Variants in SCMH1 observed in about 807,000 individuals in gnomAD.
The protein encoded by SCMH1 is Scm polycomb group protein homolog 1.
Under a neutral mutation model 70.8 loss-of-function variants are expected in SCMH1, and 37 were observed. The ratio of observed to expected loss-of-function variants is 0.52; its 90% CI spans 0.40 to 0.69. The LOEUF (loss-of-function observed/expected upper bound fraction) is 0.69, where lower values mean the gene tolerates loss of function less well. SCMH1 is among the 30% of genes least tolerant of loss of function. The pLI is 0.00. For missense variants in SCMH1, 607 were observed against 827.3 expected (o/e 0.73, Z 3.27); for synonymous variants, 292 against 307.4 (o/e 0.95, Z 0.52).
chr1:41,028,139 C>T (rs1140227), exon 15 of SCMH1: 192,403 of 1,608,894 alleles, frequency 0.12, 13,333 homozygotes, highest in East Asian at 0.27. Context: ...CCCCTCATTC[C>T]TAGAAGAATG....
chr1:41,092,830 C>T (rs1321669934), intron 8 of SCMH1, among the ~76,000 whole-genome samples: 1 of 152,164 alleles, frequency 6.6e-6, no homozygotes, highest in Non-Finnish European at 1.5e-5. Flanking sequence ...GAGATACCAT[C>T]TCACACCAGT....
chr1:41,135,778 G>C (rs1332200513), intron 6 of SCMH1, among the ~76,000 whole-genome samples: 1 of 152,098 alleles, frequency 6.6e-6, no homozygotes, highest in Non-Finnish European at 1.5e-5. Context: ...GAATAGAACA[G>C]ATACAAAATA....
intron 8 of SCMH1, among the ~76,000 whole-genome samples, chr1:41,083,834 T>C (rs1461965063): frequency 6.6e-6 from 1 of 152,158 alleles, no homozygotes. Context: ...TATCTACACC[T>C]ATCTGATCTT....
At chr1:41,168,431 T>C (rs376547758) in intron 2 of SCMH1, among the ~76,000 whole-genome samples, 10 of 152,258 alleles carry the variant, frequency 6.6e-5, no homozygotes, top group South Asian at 2.1e-4. Context: ...AATACCTCCA[T>C]TGAATTTTTT....
At chr1:41,103,037 GT>G (rs920083832) in intron 8 of SCMH1, among the ~76,000 whole-genome samples, 1 of 150,348 alleles carries the variant, frequency 6.7e-6, no homozygotes, top group African/African-American at 2.5e-5. Context: ...TTTATGTTTT[GT>G]TTTTTTTCTA....
chr1:41,046,435 G>A, exon 12 of SCMH1: 1 of 1,614,208 alleles, frequency 6.2e-7, no homozygotes, highest in Non-Finnish European at 8.5e-7. Flanking sequence ...GGCTGTGGCT[G>A]TACTCTATGG....
intron 6 of SCMH1, among the ~76,000 whole-genome samples, chr1:41,126,054 TAC>T (rs1377793945): frequency 2.0e-5 from 3 of 152,218 alleles, no homozygotes; most frequent in African/African-American, 7.2e-5. Context: ...CCAGAGTAGA[TAC>T]AGATATTCTC....
At chr1:41,133,455 A>AT (rs1360014329) in intron 6 of SCMH1, among the ~76,000 whole-genome samples, 3 of 152,184 alleles carry the variant, frequency 2.0e-5, no homozygotes, top group Non-Finnish European at 4.4e-5. Context: ...ACTGAAGGAG[A>AT]TAGAAACACA....
intron 3 of SCMH1, 141 bp downstream of exon 3, chr1:41,161,223 A>G (rs777005327): frequency 7.5e-7 from 1 of 1,332,508 alleles, no homozygotes; most frequent in Non-Finnish European, 1.0e-6. Context: ...GCTTATGACC[A>G]ATACCTCTGT....
At chr1:41,073,147 A>G (rs1391532917) in intron 9 of SCMH1, among the ~76,000 whole-genome samples, 1 of 152,174 alleles carries the variant, frequency 6.6e-6, no homozygotes. Context: ...TAACCCAACC[A>G]TCTACCCAAT....
chr1:41,044,414 G>A (rs1427496920), intron 12 of SCMH1, among the ~76,000 whole-genome samples: 3 of 152,058 alleles, frequency 2.0e-5, no homozygotes, highest in Non-Finnish European at 4.4e-5. Flanking sequence ...TATCAGAGGT[G>A]GGGCAAAGGG....
intron 6 of SCMH1, among the ~76,000 whole-genome samples, chr1:41,135,845 C>A (rs1354347339): frequency 6.6e-6 from 1 of 152,096 alleles, no homozygotes; most frequent in East Asian, 1.9e-4. Context: ...TCAACTAGCA[C>A]TAAGACTATC....
At chr1:41,045,689 TCCTC>T (rs2148674137) in intron 12 of SCMH1, 1 of 152,450 alleles carries the variant, frequency 6.6e-6, no homozygotes, top group African/African-American at 2.4e-5. Context: ...TAAGGGCCTT[TCCTC>T]CCTCTCAGTA....
chr1:41,183,863 CA>C (rs1649470870), intron 2 of SCMH1, among the ~76,000 whole-genome samples: 1 of 152,048 alleles, frequency 6.6e-6, no homozygotes, highest in African/African-American at 2.4e-5. Flanking sequence ...GATAATATGT[CA>C]TTTATATTTA....
intron 1 of SCMH1, among the ~76,000 whole-genome samples, chr1:41,234,450 CCTCTTTT>C (rs1661917133): frequency 1.5e-5 from 2 of 136,518 alleles, no homozygotes; most frequent in South Asian, 2.3e-4. Flanking sequence ...AGCAACTCTG[CCTCTTTT>C]TTTTTTTTTT....
At chr1:41,116,686 C>G (rs556442599) in intron 7 of SCMH1, among the ~76,000 whole-genome samples, 1 of 152,194 alleles carries the variant, frequency 6.6e-6, no homozygotes, top group Non-Finnish European at 1.5e-5. Flanking sequence ...AACTTCTTAA[C>G]AAGCCCGACA....
intron 10 of SCMH1, among the ~76,000 whole-genome samples, chr1:41,049,669 A>T (rs941686323): frequency 8.6e-5 from 13 of 150,380 alleles, no homozygotes; most frequent in African/African-American, 2.9e-4. Context: ...CGGGAGGCTG[A>T]GGCAGGAGAA....
exon 2 of SCMH1, chr1:41,186,200 C>T: frequency 1.1e-6 from 1 of 874,796 alleles, no homozygotes; most frequent in Non-Finnish European, 1.9e-6. Flanking sequence ...TCCACCAATA[C>T]CTTGCTCTGA....
At chr1:41,166,245 T>A (rs536899462) in intron 2 of SCMH1, among the ~76,000 whole-genome samples, 23 of 152,244 alleles carry the variant, frequency 1.5e-4, no homozygotes, top group African/African-American at 4.8e-4. Context: ...TTGCTATAGC[T>A]TTGTAATAAA....
Sources: gnomAD v4.1 joint callset for allele counts (sites outside exome capture counted in the v4.1 genomes callset) on GRCh38, gnomAD v4.1.1 for gene constraint, MANE v1.5 for transcripts, NCBI Gene and HGNC (gene_info 2026-07-23, HGNC 2026-07-21) for gene names.